The following PRKAA2 variants were observed in gnomAD, a reference collection of about 807,000 sequenced individuals.
PRKAA2 encodes the protein protein kinase AMP-activated catalytic subunit alpha 2.
In PRKAA2, 40 loss-of-function variants were observed where a neutral mutation model predicts 56.3. The observed-to-expected ratio is 0.71, with a 90% CI of 0.55 to 0.92. The LOEUF (loss-of-function observed/expected upper bound fraction) is 0.92. PRKAA2 is among the 40% of genes least tolerant of loss of function. The pLI, the probability that PRKAA2 is intolerant of heterozygous loss-of-function variation, is 0.00. For missense variants in PRKAA2, 542 were observed against 686.9 expected, an observed-to-expected ratio of 0.79 and a Z score of 2.36; for synonymous variants, 214 against 234.2, an observed-to-expected ratio of 0.91 and a Z score of 0.79.
chr1:56,700,677 G>A (rs1003259223), intron 6 of PRKAA2, among the ~76,000 whole-genome samples: 1 of 152,150 alleles, frequency 6.6e-6, no homozygotes, highest in African/African-American at 2.4e-5. Context: ...AAGGCTGTTT[G>A]CAGGAGTAAG....
Position 56,715,077 on chromosome 1 carries a change from T to C in PRKAA2, c.*7364T>C, listed in dbSNP as rs1036350717. On this transcript the variant is annotated 3_prime_UTR_variant, in exon 9 of 9. Transcript: ENST00000371244. ...GCTTTTCTGTTCAAATAAACTCCGATTCAAATTTCAGTTTTGTTTGTTATA... is the reference window on the plus strand; with the variant it reads ...GCTTTTCTGTTCAAATAAACTCCGACTCAAATTTCAGTTTTGTTTGTTATA... 6.6e-5 allele frequency: 10 copies of C among 152,158 alleles called. No individual in the cohort carries two copies. Among genetic ancestry groups the C allele is most frequent in the Admixed American group, 3.3e-4 (5 of 15,250 alleles). 9.4% of individuals were successfully genotyped at this position (152,158 alleles called of 1,614,324 possible).
chr1:56,700,048 A>T (rs1384855425), intron 6 of PRKAA2, among the ~76,000 whole-genome samples: 1 of 152,184 alleles, frequency 6.6e-6, no homozygotes, highest in East Asian at 1.9e-4. Context: ...TGTTTCCATG[A>T]ACATTTACAT....
chr1:56,686,330 T>C (rs891935531), intron 2 of PRKAA2, among the ~76,000 whole-genome samples: 1 of 152,192 alleles, frequency 6.6e-6, no homozygotes, highest in African/African-American at 2.4e-5. Context: ...ATCTTTTCAA[T>C]TGGAACATAC....
intron 2 of PRKAA2, among the ~76,000 whole-genome samples, chr1:56,678,422 A>G (rs2100409478): frequency 6.6e-6 from 1 of 152,320 alleles, no homozygotes; most frequent in Middle Eastern, 3.4e-3. Flanking sequence ...AGAAAGTTTG[A>G]GCATTGAATG....
chr1:56,701,941 A>G (rs956328436), intron 6 of PRKAA2, among the ~76,000 whole-genome samples: 1 of 152,136 alleles, frequency 6.6e-6, no homozygotes, highest in Non-Finnish European at 1.5e-5. Flanking sequence ...TAAGAAAAAA[A>G]TCAACAACTA....
At chr1:56,648,860 A>G (rs1389976914) in intron 1 of PRKAA2, among the ~76,000 whole-genome samples, 1 of 152,142 alleles carries the variant, frequency 6.6e-6, no homozygotes, top group Non-Finnish European at 1.5e-5. Flanking sequence ...ATTTTCATTG[A>G]TGGAATGTCT....
At chr1:56,660,977 C>T (rs2746349) in intron 1 of PRKAA2, among the ~76,000 whole-genome samples, 81,932 of 151,898 alleles carry the variant, frequency 0.54, 22,541 homozygotes, top group East Asian at 0.73. Context: ...TGTTTCACCA[C>T]GGGCAGAGGT....
At chr1:56,669,357 G>T (rs1644058788) in intron 1 of PRKAA2, among the ~76,000 whole-genome samples, 1 of 151,982 alleles carries the variant, frequency 6.6e-6, no homozygotes, top group Admixed American at 6.6e-5. Flanking sequence ...TACTTGGGAG[G>T]CTGAGGCAGG....
rs568071945 is a variant in PRKAA2, at chr1:56,707,506, A to G, written c.1452A>G (p.Ser484=). The change falls in exon 9 of 9, where the codon TCA becomes TCG. Residue 484 remains serine (S), a synonymous_variant. Coordinates refer to ENST00000371244, the MANE Select transcript of PRKAA2 (RefSeq NM_006252.4). ...DEVVEQRSGS[S]TPQRSCSAAG... is the part of the protein sequence containing the mutation. ...TAGTGGAGCAGAGATCTGGTTCCTC[A>G]ACACCTCAGCGTTCCTGTTCTGCTG... The G allele has an allele frequency of 1.2e-6, 2 of 1,614,152 alleles. No individual in the cohort carries two copies. Among genetic ancestry groups the G allele is most frequent in the Non-Finnish European group, 1.7e-6 (2 of 1,180,012 alleles).
chr1:56,702,260 T>A (rs1478943680), intron 6 of PRKAA2, among the ~76,000 whole-genome samples: 1 of 152,148 alleles, frequency 6.6e-6, no homozygotes, highest in Non-Finnish European at 1.5e-5. Context: ...ATTTTGTATT[T>A]TTAGTAGAGA....
intron 2 of PRKAA2, among the ~76,000 whole-genome samples, chr1:56,689,735 A>G (rs948070914): frequency 2.6e-5 from 4 of 152,200 alleles, no homozygotes; most frequent in Non-Finnish European, 5.9e-5. Flanking sequence ...AAAGAAAAAA[A>G]GTAACTAATT....
intron 1 of PRKAA2, among the ~76,000 whole-genome samples, chr1:56,663,136 G>A (rs1456013081): frequency 1.3e-5 from 2 of 152,062 alleles, no homozygotes; most frequent in Admixed American, 6.6e-5. Context: ...TTGTGTCACT[G>A]AGGCTGGAGG....
intron 1 of PRKAA2, among the ~76,000 whole-genome samples, chr1:56,653,772 G>C (rs1324219276): frequency 6.6e-6 from 1 of 152,052 alleles, no homozygotes; most frequent in Non-Finnish European, 1.5e-5. Context: ...GTTTTACTCT[G>C]GTCTTATTTC....
At chr1:56,706,631 G>A (rs1644334193) in intron 8 of PRKAA2, among the ~76,000 whole-genome samples, 1 of 152,190 alleles carries the variant, frequency 6.6e-6, no homozygotes, top group African/African-American at 2.4e-5. Flanking sequence ...CGACCAAATA[G>A]GTCTCCATTG....
At chr1:56,663,314 C>T (rs1557546114) in intron 1 of PRKAA2, among the ~76,000 whole-genome samples, 1 of 152,154 alleles carries the variant, frequency 6.6e-6, no homozygotes, top group African/African-American at 2.4e-5. Flanking sequence ...TCTCGTCCTC[C>T]TGGGCTCAAG....
chr1:56,701,772 T>TA (rs1644295843), intron 6 of PRKAA2, among the ~76,000 whole-genome samples: 1 of 151,938 alleles, frequency 6.6e-6, no homozygotes, highest in Non-Finnish European at 1.5e-5. Flanking sequence ...CAGGTGCTTG[T>TA]AGTCCCAGCT....
chr1:56,686,083 A>G (rs1270197351), intron 2 of PRKAA2, among the ~76,000 whole-genome samples: 1 of 152,240 alleles, frequency 6.6e-6, no homozygotes, highest in Non-Finnish European at 1.5e-5. Context: ...CAAAGTTAAT[A>G]ACCAAGACAT....
At chr1:56,673,475 G>C (rs1362768650) in intron 1 of PRKAA2, among the ~76,000 whole-genome samples, 1 of 152,200 alleles carries the variant, frequency 6.6e-6, no homozygotes, top group African/African-American at 2.4e-5. Flanking sequence ...GGGTTAGATA[G>C]ATGTTTTGAG....
Position 56,692,354 on chromosome 1 carries a change from A to G in PRKAA2, c.331-4A>G. 1.2e-6 allele frequency: 2 copies of G among 1,613,810 alleles called. No individual in the cohort carries two copies. The highest frequency in any genetic ancestry group is 8.5e-7 in the Non-Finnish European group (1 of 1,179,886). ...CTTAATGCAGTTTCTTTTGTGCTTG[A>G]TAGGTTGAAGAGATGGAAGCCAGGC... On this transcript the variant is annotated splice_region_variant and splice_polypyrimidine_tract_variant and intron_variant, in intron 3 of 8. Coordinates refer to ENST00000371244, the MANE Select transcript of PRKAA2 (RefSeq NM_006252.4).
Sources: allele counts gnomAD v4.1 joint callset (sites outside exome capture counted in the v4.1 genomes callset), GRCh38; gene constraint gnomAD v4.1.1; transcripts MANE v1.5; gene names NCBI Gene and HGNC (gene_info 2026-07-23, HGNC 2026-07-21).